The following SCUBE2 variants were observed in gnomAD, a reference collection of about 807,000 sequenced individuals.
SCUBE2 encodes signal peptide, CUB and EGF-like domain-containing protein 2.
In SCUBE2, 114 loss-of-function variants were observed where a neutral mutation model predicts 125.9. That is an observed-to-expected ratio of 0.91 (90% CI 0.78 to 1.06). The LOEUF (loss-of-function observed/expected upper bound fraction) is 1.06, where lower values mean the gene tolerates loss of function less well. SCUBE2 is among the 50% of genes least tolerant of loss of function. SCUBE2 has a pLI of 0.00. For missense variants in SCUBE2, 1,255 were observed against 1,301.8 expected (o/e 0.96, Z 0.55); for synonymous variants, 459 against 492.9 (o/e 0.93, Z 0.91).
rs561046831 is a variant in SCUBE2, at chr11:9,045,747, G to A, written c.2002+1609C>T. Among the ~76,000 whole-genome samples, 11 of 152,130 alleles carry A rather than the reference G, an allele frequency of 7.2e-5. No homozygotes were observed. In the South Asian group the frequency reaches 2.1e-3, roughly 29 times the overall value. ...TTTACACCCACTTCCTCCCTCAGCAGCAAGAGGGAATGTCACTGGTAACTG... is the reference window on the plus strand; with the variant it reads ...TTTACACCCACTTCCTCCCTCAGCAACAAGAGGGAATGTCACTGGTAACTG... On this transcript the variant is annotated intron_variant, in intron 16 of 22. Transcript: ENST00000649792.
rs574342600 is a variant in SCUBE2, at chr11:9,066,951, C to T, written c.644-138G>A. The T allele has an allele frequency of 4.0e-4, 275 of 679,750 alleles. No individual in the cohort carries two copies. In the African/African-American group the frequency reaches 4.3e-3, roughly 11 times the overall value. 42.1% of individuals were successfully genotyped at this position (679,750 alleles called of 1,614,324 possible). On this transcript the variant is annotated intron_variant, in intron 5 of 22. Coordinates refer to ENST00000649792, the MANE Select transcript of SCUBE2 (RefSeq NM_001367977.2). Reference sequence around the variant, plus strand: ...CATGCCAGGCATGGTGCACGAAAGACATAACTCCAAGTCAGACCCTGTGGT... The same window carrying T: ...CATGCCAGGCATGGTGCACGAAAGATATAACTCCAAGTCAGACCCTGTGGT...
chr11:9,088,156 G>T (rs762921695), intron 2 of SCUBE2, among the ~76,000 whole-genome samples: 1 of 152,210 alleles, frequency 6.6e-6, no homozygotes, highest in African/African-American at 2.4e-5. Flanking sequence ...CTGGACACTA[G>T]GCCATTAAAT....
chr11:9,090,940 GA>G (rs1162620487), intron 1 of SCUBE2, among the ~76,000 whole-genome samples: 1 of 152,196 alleles, frequency 6.6e-6, no homozygotes, highest in East Asian at 1.9e-4. Context: ...TCCGCTGACA[GA>G]AAAGTCTCTG....
intron 14 of SCUBE2, chr11:9,050,232 T>A (rs991902521): frequency 1.7e-5 from 3 of 181,606 alleles, no homozygotes; most frequent in African/African-American, 4.7e-5. Context: ...GAGCCAAACC[T>A]TTTTTCATTT....
At chr11:9,083,556 T>TC (rs200462764) in intron 2 of SCUBE2, among the ~76,000 whole-genome samples, 6,539 of 138,258 alleles carry the variant, frequency 0.047, 449 homozygotes, top group African/African-American at 0.16. Context: ...ATAGAATGAA[T>TC]TTTTTTTTTT....
At chr11:9,090,489 A>ATTTATTTATTTTT (rs377724235) in intron 1 of SCUBE2, 24 of 141,972 alleles carry the variant, frequency 1.7e-4, no homozygotes, top group Middle Eastern at 3.6e-3. Context: ...TTATTTATTT[A>ATTTATTTATTTTT]TTTTTTTTTT....
intron 16 of SCUBE2, among the ~76,000 whole-genome samples, chr11:9,035,395 G>C (rs191263207): frequency 1.3e-5 from 2 of 152,312 alleles, no homozygotes; most frequent in Non-Finnish European, 2.9e-5. Flanking sequence ...AAGATCAAGA[G>C]CTTTGAGTTT....
intron 16 of SCUBE2, among the ~76,000 whole-genome samples, chr11:9,038,973 C>A (rs745331234): frequency 2.6e-5 from 4 of 152,032 alleles, no homozygotes; most frequent in Non-Finnish European, 4.4e-5. Flanking sequence ...GCAGACTCAA[C>A]CTCCTGGGCT....
intron 16 of SCUBE2, among the ~76,000 whole-genome samples, chr11:9,045,791 C>T (rs532273543): frequency 5.3e-4 from 81 of 152,232 alleles, no homozygotes; most frequent in African/African-American, 1.7e-3. Context: ...GTTTTCTCTG[C>T]ATGGTAAAAT....
chr11:9,054,723 ATATTTT>A (rs1159213951), intron 10 of SCUBE2, among the ~76,000 whole-genome samples: 7 of 38,842 alleles, frequency 1.8e-4, no homozygotes, highest in African/African-American at 4.9e-4. Flanking sequence ...ATATATATAT[ATATTTT>A]TTTTTTTTTT....
chr11:9,083,227 A>T (rs1290296418), intron 2 of SCUBE2, among the ~76,000 whole-genome samples: 1 of 152,158 alleles, frequency 6.6e-6, no homozygotes, highest in African/African-American at 2.4e-5. Flanking sequence ...GAAAAGAAAC[A>T]AATGAACCTA....
chr11:9,079,620 C>T, intron 2 of SCUBE2, 111 bp from the exon 3 acceptor site: 1 of 1,137,020 alleles, frequency 8.8e-7, no homozygotes. Context: ...AAATACATCC[C>T]TAACAATAGG....
At position 9,021,765 on chromosome 11, in the gene SCUBE2, C is replaced by G. The variant is rs922446549; in HGVS notation, c.2934+111G>C. On this transcript the variant is annotated intron_variant, in intron 22 of 22. Transcript: ENST00000649792. Reference sequence around the variant, plus strand: ...GTATAAAACTGACCTTGGCCCAGGACAGGCTCCGTGTCTGAAAGGTGGCAA... The same window carrying G: ...GTATAAAACTGACCTTGGCCCAGGAGAGGCTCCGTGTCTGAAAGGTGGCAA... 5 of 790,086 alleles carry G rather than the reference C, an allele frequency of 6.3e-6. No homozygotes were observed. In the African/African-American group the frequency reaches 8.5e-5, roughly 13 times the overall value. The allele number at this position is 790,086 out of a possible 1,614,324, so 48.9% of individuals were successfully genotyped here.
At chr11:9,071,644 T>C (rs77788182) in intron 4 of SCUBE2, among the ~76,000 whole-genome samples, 4,751 of 152,212 alleles carry the variant, frequency 0.031, 156 homozygotes, top group East Asian at 0.12. Flanking sequence ...CTCAGAAACA[T>C]TGGAAATCCC....
At chr11:9,040,169 C>A (rs1786140725) in intron 16 of SCUBE2, among the ~76,000 whole-genome samples, 1 of 152,200 alleles carries the variant, frequency 6.6e-6, no homozygotes, top group Non-Finnish European at 1.5e-5. Flanking sequence ...GTGCCTGGAA[C>A]CTCGGAGAGT....
intron 20 of SCUBE2, 145 bp from the exon 21 acceptor site, chr11:9,025,999 A>G (rs546332534): frequency 1.3e-6 from 1 of 789,504 alleles, no homozygotes; most frequent in East Asian, 2.8e-5. Flanking sequence ...TCATAAGTCA[A>G]AGGTCCTGGA....
In SCUBE2 at chr11:9,091,437, G is replaced by C. The variant is rs750773819; in HGVS notation, c.92C>G (p.Ala31Gly). 2 of 1,329,964 alleles carry C rather than the reference G, an allele frequency of 1.5e-6. No homozygotes were observed. The highest frequency in any genetic ancestry group is 1.9e-5 in the South Asian group (1 of 52,568). The allele number at this position is 1,329,964 out of a possible 1,614,324, so 82.4% of individuals were successfully genotyped here. ...GGCACGGCCCCGACCCGGCGGGACGGCCCCCGCCAGCAGCAGCAGTGGCGG... is the reference window on the plus strand; with the variant it reads ...GGCACGGCCCCGACCCGGCGGGACGCCCCCCGCCAGCAGCAGCAGTGGCGG... ...LLPPLLLLAG[A>G]VPPGRGRAAG... Residue 31 changes from alanine (A) to glycine (G), a missense_variant, in exon 1 of 23, where the codon GCC becomes GGC. Ala to Gly is a moderately conservative substitution (Grantham distance 60). Around this residue, in one of 3 missense-constraint regions of SCUBE2, gnomAD observed 362 missense variants for 323.0 expected, o/e 1.12. Coordinates refer to ENST00000649792, the MANE Select transcript of SCUBE2 (RefSeq NM_001367977.2). The surrounding 1 kb of genome is among the most constrained non-coding windows in gnomAD (Gnocchi z 8.5).
intron 11 of SCUBE2, 49 bp downstream of exon 11, chr11:9,053,588 G>A (rs779080428): frequency 6.9e-6 from 11 of 1,604,180 alleles, no homozygotes; most frequent in South Asian, 2.2e-5. Context: ...CACTGCCTCT[G>A]GGCCAGTGGC....
intron 19 of SCUBE2, among the ~76,000 whole-genome samples, chr11:9,028,305 G>A (rs1365180957): frequency 6.6e-6 from 1 of 152,150 alleles, no homozygotes; most frequent in Non-Finnish European, 1.5e-5. Context: ...AAAGTGCTAG[G>A]ACTACAGGCA....
Sources: gnomAD v4.1 joint callset for allele counts (sites outside exome capture counted in the v4.1 genomes callset) on GRCh38, gnomAD v4.1.1 for gene constraint, gnomAD v4.1.1 regional missense constraint, Gnocchi (gnomAD v3.1) non-coding constraint, MANE v1.5 for transcripts, NCBI Gene and HGNC (gene_info 2026-07-23, HGNC 2026-07-21) for gene names.